Variants in CYP19A1 observed in about 807,000 individuals in gnomAD.
CYP19A1 encodes the protein aromatase.
A neutral mutation model predicts 44.4 loss-of-function variants in CYP19A1; 32 were observed. That is an observed-to-expected ratio of 0.72 (90% confidence interval 0.54 to 0.97). The LOEUF (loss-of-function observed/expected upper bound fraction) is 0.97, where lower values mean the gene tolerates loss of function less well. Among genes scored for constraint, CYP19A1 ranks in the 50% least tolerant of loss-of-function variants. CYP19A1 has a pLI of 0.00. For missense variants in CYP19A1, 598 were observed against 637.8 expected (o/e 0.94, Z 0.67); for synonymous variants, 212 against 215.6 (o/e 0.98, Z 0.14).
intron 3 of CYP19A1, among the ~76,000 whole-genome samples, chr15:51,228,805 T>C (rs2032797086): frequency 6.6e-6 from 1 of 152,238 alleles, no homozygotes; most frequent in Non-Finnish European, 1.5e-5. Flanking sequence ...AAATTTCATG[T>C]ATTAATTGCA....
At chr15:51,256,468 C>T (rs548778141) in intron 1 of CYP19A1, among the ~76,000 whole-genome samples, 2 of 152,228 alleles carry the variant, frequency 1.3e-5, no homozygotes, top group East Asian at 3.9e-4. Flanking sequence ...TGACACCTAC[C>T]CCATGAGTGT....
rs57060244 is a variant in CYP19A1, at chr15:51,333,777, C to T, written c.-39+4718G>A. Among the ~76,000 whole-genome samples the T allele has an allele frequency of 4.9e-3, 746 of 152,256 alleles. 6 individuals are homozygous for T. The highest frequency in any genetic ancestry group is 0.017 in the African/African-American group (706 of 41,540). Reference sequence around the variant, plus strand: ...CTCAGCAGATGGGGTGTCATCTTCTCCAGGCTTAATATTGGCAGGAATCCC... The same window carrying T: ...CTCAGCAGATGGGGTGTCATCTTCTTCAGGCTTAATATTGGCAGGAATCCC... On this transcript the variant is annotated intron_variant, in intron 1 of 9. Transcript: ENST00000396402.
In CYP19A1 at chr15:51,319,850, C is replaced by T. The variant is rs183545773; in HGVS notation, c.-39+18645G>A. Reference sequence around the variant, plus strand: ...ACCTTAATAGTCAGGTGATCTCTATCAGGTCATTTGTATTCTCTGAACCTC... The same window carrying T: ...ACCTTAATAGTCAGGTGATCTCTATTAGGTCATTTGTATTCTCTGAACCTC... On this transcript the variant is annotated intron_variant, in intron 1 of 9. Coordinates refer to ENST00000396402, the MANE Select transcript of CYP19A1 (RefSeq NM_000103.4). Among the ~76,000 whole-genome samples the T allele has an allele frequency of 6.0e-4, 91 of 151,800 alleles. 1 individual carries two copies. Among genetic ancestry groups the T allele is most frequent in the African/African-American group, 2.1e-3 (87 of 41,548 alleles).
intron 1 of CYP19A1, among the ~76,000 whole-genome samples, chr15:51,306,320 T>C (rs1175807002): frequency 3.9e-5 from 6 of 152,256 alleles, no homozygotes; most frequent in Non-Finnish European, 8.8e-5. Context: ...CCAGTTTATT[T>C]TTCCTCCAAA....
chr15:51,321,962 A>G (rs76668035), intron 1 of CYP19A1: 1 of 150,044 alleles, frequency 6.7e-6, no homozygotes, highest in Admixed American at 6.6e-5. Context: ...AAAAAAAAAA[A>G]CATAATAAAT....
chr15:51,265,301 C>T (rs1284990388), intron 1 of CYP19A1, among the ~76,000 whole-genome samples: 2 of 152,226 alleles, frequency 1.3e-5, no homozygotes, highest in African/African-American at 4.8e-5. Flanking sequence ...TTACTCCCTC[C>T]CCACATTAAG....
Position 51,210,257 on chromosome 15 carries a change from C to T in CYP19A1, c.*551G>A, listed in dbSNP as rs547906046. 2.3e-6 allele frequency: 1 copy of T among 437,024 alleles called. No homozygotes were observed. Among genetic ancestry groups the T allele is most frequent in the East Asian group, 6.8e-5 (1 of 14,766 alleles). The allele number at this position is 437,024 out of a possible 1,614,324, so 27.1% of individuals were successfully genotyped here. The stretch of plus-strand genomic sequence containing the variant: ...AAACAGGAATTAATTGGGCTTAATT[C>T]ACAGCAAGGGTCAAATGCTGAATTT... On this transcript the variant is annotated 3_prime_UTR_variant, in exon 10 of 10. Coordinates refer to ENST00000396402, the MANE Select transcript of CYP19A1 (RefSeq NM_000103.4).
chr15:51,263,665 G>A (rs1274319875), intron 1 of CYP19A1, among the ~76,000 whole-genome samples: 3 of 152,218 alleles, frequency 2.0e-5, no homozygotes, highest in Non-Finnish European at 4.4e-5. Context: ...CACCTGTGGA[G>A]GGACTGTACT....
intron 1 of CYP19A1, among the ~76,000 whole-genome samples, chr15:51,294,282 G>C (rs1382278073): frequency 2.4e-4 from 34 of 142,576 alleles, no homozygotes; most frequent in African/African-American, 7.4e-4. Context: ...GTCTCTGCCC[G>C]GCCGCCCATC....
intron 1 of CYP19A1, among the ~76,000 whole-genome samples, chr15:51,272,200 T>C (rs920103759): frequency 6.6e-6 from 1 of 152,240 alleles, no homozygotes; most frequent in African/African-American, 2.4e-5. Flanking sequence ...TATCTTTTCC[T>C]ATCCTCGTAT....
chr15:51,280,289 G>A (rs1264258382), intron 1 of CYP19A1, among the ~76,000 whole-genome samples: 6 of 151,878 alleles, frequency 4.0e-5, no homozygotes, highest in Non-Finnish European at 4.4e-5. Flanking sequence ...TAGTAGAGAC[G>A]GGGTTTCACA....
intron 6 of CYP19A1, 91 bp from the exon 7 acceptor site, chr15:51,215,908 C>G (rs2031527223): frequency 1.9e-6 from 3 of 1,590,194 alleles, no homozygotes; most frequent in Non-Finnish European, 2.6e-6. Context: ...GTAAAATGAT[C>G]TGCTTTAATT....
intron 3 of CYP19A1, among the ~76,000 whole-genome samples, chr15:51,233,647 GA>G (rs1483905411): frequency 7.2e-5 from 11 of 152,150 alleles, no homozygotes; most frequent in Non-Finnish European, 1.2e-4. Context: ...TATTAAGACA[GA>G]TGTAAAAATA....
intron 1 of CYP19A1, among the ~76,000 whole-genome samples, chr15:51,305,594 T>C (rs1265890714): frequency 2.0e-5 from 3 of 152,098 alleles, no homozygotes; most frequent in Non-Finnish European, 2.9e-5. Flanking sequence ...AGAGTCTCAC[T>C]CTGTCGCCCA....
intron 4 of CYP19A1, among the ~76,000 whole-genome samples, chr15:51,225,462 A>G (rs2032491950): frequency 6.6e-6 from 1 of 152,192 alleles, no homozygotes; most frequent in African/African-American, 2.4e-5. Flanking sequence ...GTTTCATAAC[A>G]TTTATCACCT....
intron 1 of CYP19A1, among the ~76,000 whole-genome samples, chr15:51,262,762 C>T (rs1366847072): frequency 6.6e-6 from 1 of 152,170 alleles, no homozygotes; most frequent in Non-Finnish European, 1.5e-5. Flanking sequence ...CATGTCCTAG[C>T]TCTTAGAAAA....
At chr15:51,282,929 T>G (rs1190133957) in intron 1 of CYP19A1, among the ~76,000 whole-genome samples, 1 of 152,218 alleles carries the variant, frequency 6.6e-6, no homozygotes, top group African/African-American at 2.4e-5. Context: ...ACTCAGAATT[T>G]GTTATCACTC....
At chr15:51,283,956 A>G (rs2035615373) in intron 1 of CYP19A1, among the ~76,000 whole-genome samples, 1 of 152,192 alleles carries the variant, frequency 6.6e-6, no homozygotes, top group Admixed American at 6.5e-5. Context: ...TCCCTACGGG[A>G]GTTAGAGGAC....
chr15:51,217,310 C>A (rs1414026792), intron 6 of CYP19A1, among the ~76,000 whole-genome samples: 1 of 152,150 alleles, frequency 6.6e-6, no homozygotes, highest in Non-Finnish European at 1.5e-5. Flanking sequence ...TTCTGTGGGT[C>A]CAATGGCCAA....
Sources: gnomAD v4.1 joint callset for allele counts (sites outside exome capture counted in the v4.1 genomes callset) on GRCh38, gnomAD v4.1.1 for gene constraint, MANE v1.5 for transcripts, NCBI Gene and HGNC (gene_info 2026-07-23, HGNC 2026-07-21) for gene names.